The following STK33 variants were observed in gnomAD, a reference collection of about 807,000 sequenced individuals.
STK33 encodes the protein serine/threonine-protein kinase 33.
A neutral mutation model predicts 58.0 loss-of-function variants in STK33; 52 were observed. The ratio of observed to expected loss-of-function variants is 0.90; its 90% CI spans 0.72 to 1.13. The LOEUF (loss-of-function observed/expected upper bound fraction) is 1.13. Ranked by LOEUF, STK33 falls within the 50% of genes most tolerant of loss-of-function variation. STK33 has a pLI of 0.00. For synonymous variants in STK33, 215 were observed against 200.1 expected, an observed-to-expected ratio of 1.07 and a Z score of -0.63; for missense variants, 630 against 604.2, an observed-to-expected ratio of 1.04 and a Z score of -0.45.
At chr11:8,397,428 A>G (rs1207000509) in intron 15 of STK33, among the ~76,000 whole-genome samples, 2 of 152,222 alleles carry the variant, frequency 1.3e-5, no homozygotes, top group Admixed American at 1.3e-4. Flanking sequence ...AAACTAACAA[A>G]CAGAAAGGAC....
At chr11:8,382,691 G>A in the STK33 span, among the ~76,000 whole-genome samples, 1 of 152,198 alleles carries the variant, frequency 6.6e-6, no homozygotes, top group Admixed American at 6.5e-5. Flanking sequence ...AACCTCTCCT[G>A]TTTCCCACCG....
At chr11:8,545,068 G>T (rs978827399) in intron 1 of STK33, among the ~76,000 whole-genome samples, 1 of 152,188 alleles carries the variant, frequency 6.6e-6, no homozygotes, top group African/African-American at 2.4e-5. Flanking sequence ...AAAGGGAAAT[G>T]ATTTTTAATA....
chr11:8,380,368 T>C, the STK33 span, among the ~76,000 whole-genome samples: 1 of 152,130 alleles, frequency 6.6e-6, no homozygotes, highest in African/African-American at 2.4e-5. Context: ...AAGACCAGCC[T>C]GGCCAACATG....
the STK33 span, among the ~76,000 whole-genome samples, chr11:8,381,912 T>C: frequency 1.3e-5 from 2 of 152,244 alleles, no homozygotes; most frequent in South Asian, 4.1e-4. Flanking sequence ...ACACGTTGCA[T>C]GTCAGGATTA....
intron 15 of STK33, among the ~76,000 whole-genome samples, chr11:8,394,023 A>G (rs1848935563): frequency 6.6e-6 from 1 of 152,186 alleles, no homozygotes; most frequent in Non-Finnish European, 1.5e-5. Context: ...CTTAAAAATC[A>G]TTTTGTACCT....
intron 1 of STK33, among the ~76,000 whole-genome samples, chr11:8,512,842 A>G (rs537044002): frequency 2.0e-5 from 3 of 152,218 alleles, no homozygotes; most frequent in South Asian, 2.1e-4. Flanking sequence ...CAGGTACACA[A>G]TTACCTAGTT....
At chr11:8,434,922 G>A (rs1414315778) in intron 14 of STK33, among the ~76,000 whole-genome samples, 1 of 152,172 alleles carries the variant, frequency 6.6e-6, no homozygotes. Flanking sequence ...AATACTGAGG[G>A]ATAAGCAGTA....
chr11:8,474,751 T>C lies in STK33; in HGVS notation c.155A>G (p.Glu52Gly). ...MSQTSSIGSA[E>G]SLISLERKKE... is the part of the protein sequence containing the mutation. ...TTTTCTCTCCAGTGAAATTAAAGAT[T>C]CTGCACTACCAATGCTTGATGTCTG... The change falls in exon 5 of 16, where the codon GAA (glutamate) becomes GGA (glycine). Residue 52 changes from glutamate (E) to glycine (G), a missense_variant. By Grantham distance (98) the Glu-to-Gly change is moderately conservative. Coordinates refer to ENST00000687296, the MANE Select transcript of STK33 (RefSeq NM_001352389.2). 17 of 1,613,270 alleles carry C rather than the reference T, an allele frequency of 1.1e-5. No individual in the cohort carries two copies. Among genetic ancestry groups the C allele is most frequent in the Non-Finnish European group, 1.4e-5 (16 of 1,179,776 alleles).
At chr11:8,462,633 G>C (rs1471389037) in intron 7 of STK33, among the ~76,000 whole-genome samples, 2 of 151,956 alleles carry the variant, frequency 1.3e-5, no homozygotes, top group African/African-American at 4.8e-5. Context: ...GAGACAGAGA[G>C]AGAGAGAGAG....
intron 15 of STK33, among the ~76,000 whole-genome samples, chr11:8,394,952 C>A (rs34922792): frequency 1.3e-5 from 2 of 151,892 alleles, no homozygotes; most frequent in African/African-American, 4.8e-5. Context: ...CTCCTTACCC[C>A]CTAGTTAACT....
chr11:8,354,246 G>A, the STK33 span, among the ~76,000 whole-genome samples: 3 of 151,986 alleles, frequency 2.0e-5, no homozygotes, highest in East Asian at 1.9e-4. Flanking sequence ...TGCCAGGCCC[G>A]GCCGGAACTG....
At chr11:8,433,414 A>C (rs1943648927) in intron 14 of STK33, among the ~76,000 whole-genome samples, 1 of 152,084 alleles carries the variant, frequency 6.6e-6, no homozygotes, top group Non-Finnish European at 1.5e-5. Context: ...TCTTCTCTCT[A>C]TCTGTATTTT....
intron 1 of STK33, 106 bp from the exon 2 acceptor site, chr11:8,480,720 A>AG (rs1432956144): frequency 6.6e-6 from 1 of 152,128 alleles, no homozygotes; most frequent in Non-Finnish European, 1.5e-5. Flanking sequence ...AGAGCGAGCA[A>AG]GGGGGCCCAC....
chr11:8,467,718 A>C (rs1948354411), intron 6 of STK33: 1 of 152,484 alleles, frequency 6.6e-6, no homozygotes. Flanking sequence ...AGGCCAAGGC[A>C]GGCAGATTAC....
At chr11:8,491,622 A>G (rs958107009) in intron 1 of STK33, among the ~76,000 whole-genome samples, 1 of 152,222 alleles carries the variant, frequency 6.6e-6, no homozygotes, top group Non-Finnish European at 1.5e-5. Flanking sequence ...TGAGAAGAGC[A>G]ACCCCAAGAC....
At chr11:8,554,689 G>A (rs888598392) in intron 1 of STK33, among the ~76,000 whole-genome samples, 10 of 151,980 alleles carry the variant, frequency 6.6e-5, no homozygotes, top group Non-Finnish European at 1.2e-4. Flanking sequence ...TATAAAAAAC[G>A]GTATGGAGAT....
intron 1 of STK33, among the ~76,000 whole-genome samples, chr11:8,578,407 G>C (rs543292477): frequency 2.0e-5 from 3 of 152,090 alleles, no homozygotes; most frequent in Admixed American, 2.0e-4. Flanking sequence ...CATCCATTCA[G>C]TGGAATACTA....
chr11:8,349,202 C>G, the STK33 span, among the ~76,000 whole-genome samples: 1 of 152,186 alleles, frequency 6.6e-6, no homozygotes, highest in Non-Finnish European at 1.5e-5. Context: ...AAACTGGGGG[C>G]AGTAATAGCC....
intron 1 of STK33, among the ~76,000 whole-genome samples, chr11:8,541,776 A>G (rs548887357): frequency 6.6e-6 from 1 of 152,332 alleles, no homozygotes; most frequent in South Asian, 2.1e-4. Context: ...AGAGCAAAAT[A>G]TCTGAAAAAT....
Sources: allele counts gnomAD v4.1 joint callset (sites outside exome capture counted in the v4.1 genomes callset), GRCh38; gene constraint gnomAD v4.1.1; transcripts MANE v1.5; gene names NCBI Gene and HGNC (gene_info 2026-07-23, HGNC 2026-07-21).